MYO1D: variants seen among roughly 807,000 people sequenced by gnomAD.
MYO1D encodes the protein unconventional myosin-Id.
Under a neutral mutation model 122.0 loss-of-function variants are expected in MYO1D, and 83 were observed. The ratio of observed to expected loss-of-function variants is 0.68; its 90% CI spans 0.57 to 0.82. The LOEUF is 0.82. MYO1D is among the 40% of genes least tolerant of loss of function. The pLI is 0.00. For synonymous variants in MYO1D, 464 were observed against 446.9 expected, an observed-to-expected ratio of 1.04 and a Z score of -0.48; for missense variants, 1,157 against 1,269.5, an observed-to-expected ratio of 0.91 and a Z score of 1.35.
intron 21 of MYO1D, among the ~76,000 whole-genome samples, chr17:32,559,498 C>T (rs184578090): frequency 2.4e-3 from 362 of 152,332 alleles, no homozygotes; most frequent in African/African-American, 8.4e-3. Flanking sequence ...AAATAAGGCA[C>T]ATGCTCAGCT....
intron 11 of MYO1D, among the ~76,000 whole-genome samples, chr17:32,750,683 T>C (rs951300088): frequency 2.0e-5 from 3 of 152,152 alleles, no homozygotes; most frequent in Non-Finnish European, 2.9e-5. Context: ...GGTTCTAATG[T>C]TCGATAACAA....
At chr17:32,507,610 G>A (rs892607453) in intron 21 of MYO1D, among the ~76,000 whole-genome samples, 9 of 152,086 alleles carry the variant, frequency 5.9e-5, no homozygotes, top group African/African-American at 2.2e-4. Flanking sequence ...CAAATAAAAG[G>A]AGAATAAAAT....
chr17:32,638,677 A>C lies in MYO1D; in HGVS notation c.2709+45T>G, dbSNP rs775661368. The C allele has an allele frequency of 5.1e-6, 7 of 1,368,818 alleles. No individual in the cohort carries two copies. The Admixed American group carries it at 8.5e-5, about 17-fold the overall frequency. The allele number at this position is 1,368,818 out of a possible 1,614,324, so 84.8% of individuals were successfully genotyped here. On this transcript the variant is annotated intron_variant, in intron 20 of 21. Coordinates refer to ENST00000318217, the MANE Select transcript of MYO1D (RefSeq NM_015194.3). ...ATTGACCCATTAGTGGTCCATGAGC[A>C]CCAGGTTAAGAATCTTTATCCAGAG...
chr17:32,579,105 G>GA (rs769860099), intron 21 of MYO1D, among the ~76,000 whole-genome samples: 15 of 151,992 alleles, frequency 9.9e-5, no homozygotes, highest in South Asian at 2.1e-4. Flanking sequence ...GTCTTGCTCT[G>GA]TCACCCAGGC....
At chr17:32,810,410 T>G (rs191922379) in intron 1 of MYO1D, among the ~76,000 whole-genome samples, 1 of 152,220 alleles carries the variant, frequency 6.6e-6, no homozygotes, top group Non-Finnish European at 1.5e-5. Context: ...AAATAGCAAA[T>G]GATTGAAAAT....
At chr17:32,658,995 T>G (rs1325369896) in intron 17 of MYO1D, 120 bp downstream of exon 17, 1 of 953,076 alleles carries the variant, frequency 1.0e-6, no homozygotes, top group East Asian at 2.6e-5. Context: ...AAACATAAGG[T>G]AAAGGTAAAT....
chr17:32,740,990 GACAC>G (rs1170640272), intron 13 of MYO1D, among the ~76,000 whole-genome samples: 3 of 151,920 alleles, frequency 2.0e-5, no homozygotes, highest in Non-Finnish European at 4.4e-5. Flanking sequence ...CACAGACACA[GACAC>G]ACACATACAT....
At position 32,747,063 on chromosome 17, in the gene MYO1D, C is replaced by G. The variant is rs763541996; in HGVS notation, c.1539-1778G>C. The stretch of plus-strand genomic sequence containing the variant: ...TCTTCCCTCTTCAGTATTATGGAAC[C>G]TGGGAACAGGACCAGAAAAAGTGGA... On this transcript the variant is annotated intron_variant, in intron 12 of 21. Coordinates refer to ENST00000318217, the MANE Select transcript of MYO1D (RefSeq NM_015194.3). Among the ~76,000 whole-genome samples, 8 of 152,214 alleles carry G rather than the reference C, an allele frequency of 5.3e-5. No homozygotes were observed. The South Asian group carries it at 8.3e-4, about 16-fold the overall frequency.
chr17:32,797,634 A>G (rs1006544802), intron 1 of MYO1D, among the ~76,000 whole-genome samples: 2 of 152,208 alleles, frequency 1.3e-5, no homozygotes, highest in African/African-American at 4.8e-5. Context: ...GTACATATAG[A>G]AAAAAACAGT....
chr17:32,575,650 G>A (rs540796299), intron 21 of MYO1D, among the ~76,000 whole-genome samples: 24 of 152,204 alleles, frequency 1.6e-4, no homozygotes, highest in Non-Finnish European at 1.5e-4. Flanking sequence ...TCCCTCTGGG[G>A]TGTGTTTCTC....
At chr17:32,733,588 T>C (rs1201942707) in intron 14 of MYO1D, among the ~76,000 whole-genome samples, 1 of 151,902 alleles carries the variant, frequency 6.6e-6, no homozygotes, top group East Asian at 1.9e-4. Context: ...CTCACCATTG[T>C]GTGTGTGTGT....
chr17:32,769,792 CAA>C (rs796502029), intron 6 of MYO1D, among the ~76,000 whole-genome samples: 7 of 121,554 alleles, frequency 5.8e-5, no homozygotes, highest in South Asian at 2.6e-4. Context: ...TCTTAGGAAG[CAA>C]AAAAAAAAAG....
chr17:32,834,537 A>T (rs1297446497), intron 1 of MYO1D, among the ~76,000 whole-genome samples: 1 of 152,194 alleles, frequency 6.6e-6, no homozygotes, highest in East Asian at 1.9e-4. Flanking sequence ...TACCTGAGGA[A>T]CGTTCCAAAT....
chr17:32,536,702 T>G (rs1910675905), intron 21 of MYO1D, among the ~76,000 whole-genome samples: 1 of 152,240 alleles, frequency 6.6e-6, no homozygotes, highest in African/African-American at 2.4e-5. Context: ...ATTATATTTT[T>G]CATTTTAAAG....
intron 13 of MYO1D, among the ~76,000 whole-genome samples, chr17:32,743,709 C>T (rs530732776): frequency 1.3e-5 from 2 of 151,976 alleles, no homozygotes; most frequent in Non-Finnish European, 2.9e-5. Flanking sequence ...GCTCCGCCTC[C>T]CAGGTTCATG....
chr17:32,625,305 T>C (rs763438554), intron 20 of MYO1D, among the ~76,000 whole-genome samples: 5 of 152,082 alleles, frequency 3.3e-5, no homozygotes, highest in Non-Finnish European at 7.4e-5. Flanking sequence ...GAGAGCAACT[T>C]TGGCAATTAA....
chr17:32,620,453 A>T (rs1314782674), intron 20 of MYO1D, among the ~76,000 whole-genome samples: 1 of 152,142 alleles, frequency 6.6e-6, no homozygotes, highest in African/African-American at 2.4e-5. Flanking sequence ...AAGAAAGAGC[A>T]GGCTCTTCTC....
At chr17:32,598,748 T>C (rs2087527420) in intron 21 of MYO1D, among the ~76,000 whole-genome samples, 1 of 152,242 alleles carries the variant, frequency 6.6e-6, no homozygotes, top group Non-Finnish European at 1.5e-5. Context: ...TAGCATCATG[T>C]CTAAATACTG....
chr17:32,815,156 C>T (rs576426176), intron 1 of MYO1D, among the ~76,000 whole-genome samples: 2 of 152,334 alleles, frequency 1.3e-5, no homozygotes, highest in African/African-American at 4.8e-5. Context: ...ATATGACTTA[C>T]TCACCTTTGC....
Sources: allele counts gnomAD v4.1 joint callset (sites outside exome capture counted in the v4.1 genomes callset), GRCh38; gene constraint gnomAD v4.1.1; transcripts MANE v1.5; gene names NCBI Gene and HGNC (gene_info 2026-07-23, HGNC 2026-07-21).